POM121C: variants seen among roughly 807,000 people sequenced by gnomAD.
The protein encoded by POM121C is nuclear envelope pore membrane protein POM 121C.
Under a neutral mutation model 66.4 loss-of-function variants are expected in POM121C, and 20 were observed. The observed-to-expected ratio is 0.30, with a 90% CI of 0.21 to 0.44. The LOEUF (loss-of-function observed/expected upper bound fraction) is 0.44, where lower values mean the gene tolerates loss of function less well. Ranked by LOEUF, POM121C falls within the 20% of genes least tolerant of loss-of-function variation. The pLI is 1.00. For synonymous variants in POM121C, 286 were observed against 528.0 expected (o/e 0.54, Z 6.28); for missense variants, 580 against 1,225.7 (o/e 0.47, Z 7.87).
In POM121C at chr7:75,419,406, G is replaced by A. The variant is rs782082849; in HGVS notation, c.2780C>T (p.Ala927Val). ...ATPTFGQNTP[A>V]PGVGTSGSSL... ...GCTGCCCGATGTGCCCACTCCAGGC[G>A]CAGGGGTGTTCTGACCAAAGGTGGG... The change falls in exon 14 of 15, where the codon GCG becomes GTG. Residue 927 changes from alanine to valine, a missense_variant. Physicochemically the swap from Ala to Val is moderately conservative, Grantham distance 64. Coordinates refer to ENST00000615331, the MANE Select transcript of POM121C (RefSeq NM_001099415.3). 2.2e-4 allele frequency: 353 copies of A among 1,613,798 alleles called. 1 individual carries two copies. The highest frequency in any genetic ancestry group is 2.9e-4 in the Non-Finnish European group (339 of 1,179,806).
chr7:75,424,267 G>T (rs1789846299), intron 11 of POM121C, 42 bp from the exon 12 acceptor site: 2 of 1,603,528 alleles, frequency 1.2e-6, no homozygotes, highest in Non-Finnish European at 1.7e-6. Flanking sequence ...GCTTGTCTGG[G>T]ACTTCTTTCC....
At chr7:75,433,775 TCATAGTTA>T (rs1455080498) in intron 7 of POM121C, among the ~76,000 whole-genome samples, 17 of 152,246 alleles carry the variant, frequency 1.1e-4, no homozygotes, top group Admixed American at 9.8e-4. Flanking sequence ...TTATTCTTTT[TCATAGTTA>T]CATAGTATAT....
At chr7:75,450,558 C>A (rs1416796761) in intron 3 of POM121C, among the ~76,000 whole-genome samples, 1 of 152,154 alleles carries the variant, frequency 6.6e-6, no homozygotes, top group Non-Finnish European at 1.5e-5. Flanking sequence ...AGGCAAACTT[C>A]AAAGACTGGG....
chr7:75,455,114 G>A (rs1469006498), intron 3 of POM121C, among the ~76,000 whole-genome samples: 10 of 152,276 alleles, frequency 6.6e-5, no homozygotes, highest in Non-Finnish European at 1.3e-4. Flanking sequence ...ACCCGATGAC[G>A]AAGAGCCTTG....
At chr7:75,432,951 T>C (rs1361312790) in intron 7 of POM121C, among the ~76,000 whole-genome samples, 2 of 152,040 alleles carry the variant, frequency 1.3e-5, no homozygotes, top group Non-Finnish European at 2.9e-5. Context: ...GAATGTACAG[T>C]AGACTGGGCA....
intron 6 of POM121C, among the ~76,000 whole-genome samples, chr7:75,438,697 T>C (rs1790513774): frequency 6.6e-6 from 1 of 152,220 alleles, no homozygotes; most frequent in Non-Finnish European, 1.5e-5. Context: ...GCTTTCCTGG[T>C]GGCCACATCA....
intron 13 of POM121C, chr7:75,421,308 C>T (rs1243256639): frequency 7.2e-6 from 10 of 1,381,878 alleles, no homozygotes; most frequent in Non-Finnish European, 9.6e-6. Context: ...CTCAGAAGGC[C>T]TTTGACCAGT....
At chr7:75,459,675 A>C (rs1333170286) in intron 3 of POM121C, among the ~76,000 whole-genome samples, 1 of 147,236 alleles carries the variant, frequency 6.8e-6, no homozygotes, top group Non-Finnish European at 1.5e-5. Context: ...AAAGTATAAA[A>C]ATTAAATTAA....
intron 5 of POM121C, 70 bp from the exon 6 acceptor site, chr7:75,439,294 C>T (rs1297673400): frequency 6.3e-7 from 1 of 1,592,180 alleles, no homozygotes. Flanking sequence ...TGTATTCTCA[C>T]ATTTCTGGGA....
In POM121C at chr7:75,417,408, T is replaced by C. The variant is rs1554469944; in HGVS notation, c.*1388A>G. On this transcript the variant is annotated 3_prime_UTR_variant, in exon 15 of 15. Transcript: ENST00000615331. ...GCTTGAAGGAATTTAAAAGGCAATT[T>C]AGCTTAAATACAAAAATAAATTTTT... 1 of 889,900 alleles carries C rather than the reference T, an allele frequency of 1.1e-6. No homozygotes were observed. The highest frequency in any genetic ancestry group is 1.3e-6 in the Non-Finnish European group (1 of 742,508). The allele number at this position is 889,900 out of a possible 1,614,324, so 55.1% of individuals were successfully genotyped here. A position where few individuals can be genotyped will look rare whatever the true frequency, so the allele number is the denominator to read the frequency against.
intron 3 of POM121C, among the ~76,000 whole-genome samples, chr7:75,453,252 G>A (rs1466030202): frequency 6.9e-6 from 1 of 145,574 alleles, no homozygotes; most frequent in Non-Finnish European, 1.5e-5. Context: ...GCAATACAGA[G>A]AGACCCTATC....
At chr7:75,437,484 G>GC (rs782229444) in intron 7 of POM121C, 31 bp downstream of exon 7, 7 of 1,584,138 alleles carry the variant, frequency 4.4e-6, no homozygotes, top group African/African-American at 2.7e-5. Flanking sequence ...GGGAATTCAT[G>GC]CCCCCCACAT....
chr7:75,438,968 A>G (rs781967671), intron 6 of POM121C, among the ~76,000 whole-genome samples, 176 bp downstream of exon 6: 21 of 152,266 alleles, frequency 1.4e-4, no homozygotes, highest in Non-Finnish European at 2.4e-4. Flanking sequence ...ATTAAAAGGA[A>G]TTAGACAGAA....
chr7:75,480,820 A>G (rs1792277404), intron 1 of POM121C, among the ~76,000 whole-genome samples: 1 of 152,108 alleles, frequency 6.6e-6, no homozygotes, highest in African/African-American at 2.4e-5. Flanking sequence ...AAAATTAAAA[A>G]TTGCTATAAA....
intron 3 of POM121C, among the ~76,000 whole-genome samples, chr7:75,467,202 G>A (rs587736378): frequency 8.8e-4 from 134 of 152,258 alleles, no homozygotes; most frequent in African/African-American, 3.1e-3. Context: ...CGACTGTAGA[G>A]AAAATCAAAA....
intron 7 of POM121C, among the ~76,000 whole-genome samples, chr7:75,431,971 G>A (rs1554472422): frequency 6.6e-6 from 1 of 152,072 alleles, no homozygotes; most frequent in East Asian, 1.9e-4. Flanking sequence ...CCTGAGGTTA[G>A]GAGTTCGAGA....
chr7:75,441,215 A>G, intron 4 of POM121C, 100 bp from the exon 5 acceptor site: 3 of 1,541,708 alleles, frequency 1.9e-6, no homozygotes, highest in Non-Finnish European at 2.6e-6. Flanking sequence ...AGTATAATTT[A>G]TACACTCACA....
chr7:75,479,655 A>T (rs141885832), intron 1 of POM121C, among the ~76,000 whole-genome samples: 17,538 of 142,722 alleles, frequency 0.12, 1,330 homozygotes, highest in Middle Eastern at 0.22. Flanking sequence ...AAATAAATAC[A>T]GTTTAATTAA....
At chr7:75,437,122 C>T (rs1458092165) in intron 7 of POM121C, among the ~76,000 whole-genome samples, 1 of 152,204 alleles carries the variant, frequency 6.6e-6, no homozygotes, top group African/African-American at 2.4e-5. Context: ...GTCCGTTTAT[C>T]TACATCACAG....
Sources: gnomAD v4.1 joint callset for allele counts (sites outside exome capture counted in the v4.1 genomes callset) on GRCh38, gnomAD v4.1.1 for gene constraint, MANE v1.5 for transcripts, NCBI Gene and HGNC (gene_info 2026-07-23, HGNC 2026-07-21) for gene names.